The following ADGRL4 variants were observed in gnomAD, a reference collection of about 807,000 sequenced individuals.
ADGRL4 encodes the protein EGF, latrophilin and seven transmembrane domain containing 1.
ADGRL4 carries 90 observed loss-of-function variants against 74.8 expected under a neutral mutation model. The ratio of observed to expected loss-of-function variants is 1.20; its 90% CI spans 1.02 to 1.43. ADGRL4 has a LOEUF of 1.43. ADGRL4 is among the 40% of genes most tolerant of loss of function. ADGRL4 has a pLI of 0.00. For missense variants in ADGRL4, 881 were observed against 814.3 expected (o/e 1.08, Z -1.00); for synonymous variants, 311 against 279.2 (o/e 1.11, Z -1.14).
rs1648328419 is a variant in ADGRL4, at chr1:78,893,309, G to C, written c.1750-120C>G. 4 of 679,892 alleles carry C rather than the reference G, an allele frequency of 5.9e-6. No homozygotes were observed. The South Asian group carries it at 7.4e-5, about 13-fold the overall frequency. 42.1% of individuals were successfully genotyped at this position (679,892 alleles called of 1,614,324 possible). On this transcript the variant is annotated intron_variant, in intron 12 of 14. Transcript: ENST00000370742. ...AACTAAAAATCATGGCATTTATATA[G>C]TTCTTTACAATATCACTGAAAATTA...
Position 78,929,343 on chromosome 1 carries a change from C to T in ADGRL4, c.878-2252G>A, listed in dbSNP as rs570043299. Among the ~76,000 whole-genome samples, 203 of 151,276 alleles carry T rather than the reference C, an allele frequency of 1.3e-3. 7 individuals are homozygous for T. Among genetic ancestry groups the T allele is most frequent in the African/African-American group, 4.6e-3 (189 of 40,720 alleles). On this transcript the variant is annotated intron_variant, in intron 7 of 14. Coordinates refer to ENST00000370742, the MANE Select transcript of ADGRL4 (RefSeq NM_022159.4). ...CAGCCTGGGCAATATGGCAAAACCA[C>T]GTCTCTACAAAAAATAGAATAATTA...
At chr1:78,912,232 A>T (rs900229510) in intron 12 of ADGRL4, among the ~76,000 whole-genome samples, 1 of 151,956 alleles carries the variant, frequency 6.6e-6, no homozygotes, top group African/African-American at 2.4e-5. Flanking sequence ...TATGATTGAG[A>T]TGTAAACTAA....
At chr1:78,981,538 C>T (rs1650397719) in intron 2 of ADGRL4, among the ~76,000 whole-genome samples, 1 of 151,842 alleles carries the variant, frequency 6.6e-6, no homozygotes, top group South Asian at 2.1e-4. Context: ...CCATTGCAGT[C>T]AGTGGATACT....
chr1:79,005,042 T>G (rs568723222), intron 2 of ADGRL4, 28 bp downstream of exon 2: 25 of 1,601,830 alleles, frequency 1.6e-5, no homozygotes, highest in South Asian at 2.2e-5. Context: ...TACAGTATAA[T>G]CCAAAAGAAG....
At chr1:78,899,846 T>G (rs1648481636) in intron 12 of ADGRL4, among the ~76,000 whole-genome samples, 1 of 151,920 alleles carries the variant, frequency 6.6e-6, no homozygotes, top group South Asian at 2.1e-4. Context: ...ATCAGAAAAT[T>G]GGGTGTGTGT....
chr1:78,945,770 A>C (rs1247639292), intron 3 of ADGRL4, among the ~76,000 whole-genome samples: 1 of 152,138 alleles, frequency 6.6e-6, no homozygotes, highest in Non-Finnish European at 1.5e-5. Flanking sequence ...TCTAGTGTTC[A>C]GAAAAACTTA....
At chr1:78,980,913 T>C (rs184076129) in intron 2 of ADGRL4, among the ~76,000 whole-genome samples, 4 of 152,152 alleles carry the variant, frequency 2.6e-5, no homozygotes, top group African/African-American at 9.6e-5. Context: ...TGTAAACCTG[T>C]CTGCTGTTGC....
At chr1:78,988,340 T>C (rs1231076234) in intron 2 of ADGRL4, among the ~76,000 whole-genome samples, 1 of 151,852 alleles carries the variant, frequency 6.6e-6, no homozygotes, top group African/African-American at 2.4e-5. Flanking sequence ...TCTGACTTTA[T>C]GAAAACATAC....
intron 2 of ADGRL4, among the ~76,000 whole-genome samples, chr1:78,999,831 T>C (rs545390033): frequency 6.1e-5 from 9 of 147,372 alleles, no homozygotes; most frequent in African/African-American, 2.0e-4. Context: ...TATCTATCTA[T>C]CTATCTATCT....
intron 2 of ADGRL4, among the ~76,000 whole-genome samples, chr1:78,980,912 G>A (rs1314928434): frequency 6.6e-6 from 1 of 151,980 alleles, no homozygotes; most frequent in Non-Finnish European, 1.5e-5. Flanking sequence ...GTGTAAACCT[G>A]TCTGCTGTTG....
At chr1:78,985,862 A>G (rs1477180705) in intron 2 of ADGRL4, among the ~76,000 whole-genome samples, 4 of 151,858 alleles carry the variant, frequency 2.6e-5, no homozygotes, top group Non-Finnish European at 5.9e-5. Flanking sequence ...GGACGAGATA[A>G]TGTTCTTTGC....
intron 2 of ADGRL4, among the ~76,000 whole-genome samples, chr1:78,993,637 C>A (rs183963803): frequency 2.9e-3 from 436 of 151,154 alleles, no homozygotes; most frequent in Non-Finnish European, 5.4e-3. Flanking sequence ...GGCAGGATCT[C>A]GGCTCACTGA....
chr1:78,898,747 C>A (rs1648452976), intron 12 of ADGRL4, among the ~76,000 whole-genome samples: 1 of 152,002 alleles, frequency 6.6e-6, no homozygotes, highest in Non-Finnish European at 1.5e-5. Flanking sequence ...TTTGTTTCAT[C>A]TTAAGTGATA....
chr1:78,951,653 A>C (rs1291493493), intron 2 of ADGRL4, among the ~76,000 whole-genome samples: 2 of 152,192 alleles, frequency 1.3e-5, no homozygotes, highest in Admixed American at 6.6e-5. Context: ...ATTTTATATT[A>C]CTTAGTTGTT....
intron 3 of ADGRL4, among the ~76,000 whole-genome samples, chr1:78,941,824 G>A (rs890425541): frequency 2.4e-4 from 37 of 152,226 alleles, no homozygotes; most frequent in Admixed American, 1.4e-3. Context: ...AAGTCTCCGG[G>A]ATTGCTAATT....
At chr1:78,902,500 TA>T (rs1648541182) in intron 12 of ADGRL4, among the ~76,000 whole-genome samples, 1 of 147,058 alleles carries the variant, frequency 6.8e-6, no homozygotes, top group Non-Finnish European at 1.5e-5. Context: ...GTAATACAAT[TA>T]GGGGGTAACA....
chr1:78,962,973 C>A (rs1305904850), intron 2 of ADGRL4, among the ~76,000 whole-genome samples: 2 of 152,114 alleles, frequency 1.3e-5, no homozygotes, highest in Non-Finnish European at 2.9e-5. Context: ...TGTATGAAAT[C>A]TTTTCATATT....
chr1:78,918,319 T>G (rs2100669853), intron 10 of ADGRL4, among the ~76,000 whole-genome samples: 1 of 152,038 alleles, frequency 6.6e-6, no homozygotes, highest in South Asian at 2.1e-4. Context: ...TATATTTATC[T>G]TATGTGATAA....
chr1:78,927,859 A>C (rs1649152466), intron 7 of ADGRL4, among the ~76,000 whole-genome samples: 1 of 152,168 alleles, frequency 6.6e-6, no homozygotes, highest in Non-Finnish European at 1.5e-5. Context: ...TTTCTCTCTT[A>C]ATCTAAAAAG....
Sources: gnomAD v4.1 joint callset for allele counts (sites outside exome capture counted in the v4.1 genomes callset) on GRCh38, gnomAD v4.1.1 for gene constraint, MANE v1.5 for transcripts, NCBI Gene and HGNC (gene_info 2026-07-23, HGNC 2026-07-21) for gene names.